The following HDAC9 variants were observed in gnomAD, a reference collection of about 807,000 sequenced individuals.
The protein encoded by HDAC9 is MEF-2 interacting transcription repressor (MITR) protein.
Under a neutral mutation model 139.4 loss-of-function variants are expected in HDAC9, and 41 were observed. The ratio of observed to expected loss-of-function variants is 0.29; its 90% CI spans 0.23 to 0.38. HDAC9 has a LOEUF of 0.38. Ranked by LOEUF, HDAC9 falls within the 10% of genes least tolerant of loss-of-function variation. HDAC9 has a pLI of 1.00. For synonymous variants in HDAC9, 517 were observed against 476.2 expected (o/e 1.09, Z -1.12); for missense variants, 1,147 against 1,297.0 (o/e 0.88, Z 1.78).
At chr7:18,183,167 AC>A (rs1340026129) in intron 2 of HDAC9, among the ~76,000 whole-genome samples, 35 of 151,882 alleles carry the variant, frequency 2.3e-4, no homozygotes, top group Admixed American at 7.2e-4. Flanking sequence ...CTGCCACCAC[AC>A]CCGGCTAATT....
At chr7:18,337,312 A>G (rs1033116833) in intron 1 of HDAC9, among the ~76,000 whole-genome samples, 7 of 151,672 alleles carry the variant, frequency 4.6e-5, no homozygotes, top group Non-Finnish European at 8.9e-5. Flanking sequence ...AATCTCCAAA[A>G]TATGCTTTAG....
At chr7:18,576,656 C>CA (rs61179284) in intron 2 of HDAC9, among the ~76,000 whole-genome samples, 15,154 of 91,736 alleles carry the variant, frequency 0.17, 1,160 homozygotes, top group African/African-American at 0.25. Context: ...GACTTCATGT[C>CA]AAAAAAAAAA....
At chr7:18,392,554 A>G (rs1340982589) in intron 1 of HDAC9, among the ~76,000 whole-genome samples, 1 of 152,048 alleles carries the variant, frequency 6.6e-6, no homozygotes, top group Non-Finnish European at 1.5e-5. Flanking sequence ...ATTAGCTTAA[A>G]TCCTGTTCTC....
In HDAC9 at chr7:18,486,972, G is replaced by GATC. The variant is rs574221881; in HGVS notation, c.-41-9286_-41-9284dup. On this transcript the variant is annotated intron_variant, in intron 1 of 3. Coordinates refer to the HDAC9 transcript ENST00000413509. Reference sequence around the variant, plus strand: ...AACCAACATGTGGCTTTGCCAAGGAGATCATCTTTGGAGAGTGTTTTGGGG... The same window carrying GATC: ...AACCAACATGTGGCTTTGCCAAGGAGATCATCATCTTTGGAGAGTGTTTTGGGG... 1.2e-4 allele frequency among the ~76,000 whole-genome samples: 19 copies of GATC among 152,192 alleles called. No homozygotes were observed. In the South Asian group the frequency reaches 3.9e-3, roughly 32 times the overall value.
intron 2 of HDAC9, among the ~76,000 whole-genome samples, chr7:18,213,995 A>G (rs971866838): frequency 3.3e-5 from 5 of 152,080 alleles, no homozygotes; most frequent in Non-Finnish European, 7.4e-5. Context: ...TTTCCAGGAT[A>G]AGTGATATTA....
At chr7:18,199,213 C>G (rs759515238) in intron 2 of HDAC9, among the ~76,000 whole-genome samples, 7 of 152,072 alleles carry the variant, frequency 4.6e-5, no homozygotes, top group Non-Finnish European at 1.0e-4. Flanking sequence ...AGATACAATT[C>G]TTCTATCTCC....
rs568905146 is a variant in HDAC9 at position 18,637,981 on chromosome 7, T to A, written c.912+3239T>A. ...ATCATTTAGAATTTAGGATGATTTT[T>A]ACAGATGTCTCCTAAGATTGATAGT... On this transcript the variant is annotated intron_variant, in intron 8 of 25. Coordinates refer to ENST00000686413, the MANE Select transcript of HDAC9 (RefSeq NM_178425.4). Among the ~76,000 whole-genome samples the A allele has an allele frequency of 2.0e-5, 3 of 152,234 alleles. No individual in the cohort carries two copies. The East Asian group carries it at 5.8e-4, about 30-fold the overall frequency.
chr7:18,094,688 T>C (rs559961237), intron 1 of HDAC9, among the ~76,000 whole-genome samples: 23 of 152,284 alleles, frequency 1.5e-4, no homozygotes, highest in Non-Finnish European at 2.6e-4. Flanking sequence ...ACTCCTGGCC[T>C]CAAGCTATCC....
chr7:18,299,740 T>G lies in HDAC9; in HGVS notation c.-42+9225T>G, dbSNP rs1258596158. 3.3e-5 allele frequency among the ~76,000 whole-genome samples: 5 copies of G among 152,278 alleles called. No individual in the cohort carries two copies. In the East Asian group the frequency reaches 9.7e-4, roughly 29 times the overall value. On this transcript the variant is annotated intron_variant, in intron 1 of 3. Transcript: ENST00000413509. ...TTCTAACTTGGTTGAAAAGTATGAT[T>G]GGCGGAGGGGTAAAGGAAAATCTCC... is the stretch of plus-strand genomic sequence containing the variant.
intron 12 of HDAC9, among the ~76,000 whole-genome samples, chr7:18,708,474 G>T (rs1201043028): frequency 6.6e-6 from 1 of 152,170 alleles, no homozygotes; most frequent in Non-Finnish European, 1.5e-5. Context: ...TGCAGTTTTT[G>T]CAGAAATAAT....
intron 1 of HDAC9, among the ~76,000 whole-genome samples, chr7:18,141,664 C>T (rs931581195): frequency 2.0e-5 from 3 of 151,974 alleles, no homozygotes; most frequent in South Asian, 2.1e-4. Flanking sequence ...TTCAGAATAG[C>T]GGGGACACGG....
intron 1 of HDAC9, among the ~76,000 whole-genome samples, chr7:18,319,903 T>C (rs2128634198): frequency 6.6e-6 from 1 of 151,988 alleles, no homozygotes; most frequent in African/African-American, 2.4e-5. Context: ...GAAAAGTAAT[T>C]TTCTTTTTCA....
chr7:18,762,006 A>T, intron 14 of HDAC9, 151 bp from the exon 15 acceptor site: 2 of 820,296 alleles, frequency 2.4e-6, no homozygotes, highest in Admixed American at 5.0e-5. Flanking sequence ...TTTTTCAAAT[A>T]TTATTATGGT....
intron 24 of HDAC9, among the ~76,000 whole-genome samples, chr7:18,967,496 G>GACCCCCCC (rs1783941161): frequency 9.5e-6 from 1 of 104,782 alleles, no homozygotes; most frequent in African/African-American, 4.0e-5. Flanking sequence ...AAATAAAGTT[G>GACCCCCCC]CCCCCCCCCC....
rs535481531 is a variant in HDAC9, at chr7:18,549,125, C to T, written c.23-36156C>T. ...TGGTGGTGCGTGCCTGTAGTCCCAG[C>T]TACTCAGGAAGCTGAGGCAGGAGAA... On this transcript the variant is annotated intron_variant, in intron 2 of 25. Transcript: ENST00000686413. Among the ~76,000 whole-genome samples the T allele has an allele frequency of 3.3e-5, 5 of 152,244 alleles. No individual in the cohort carries two copies. The East Asian group carries it at 9.7e-4, about 29-fold the overall frequency.
chr7:18,541,128 T>A (rs1812690439), intron 2 of HDAC9, among the ~76,000 whole-genome samples: 1 of 133,334 alleles, frequency 7.5e-6, no homozygotes, highest in Non-Finnish European at 1.6e-5. Flanking sequence ...GTTTCAAATA[T>A]CCAAGGAACC....
chr7:18,634,817 G>A, intron 8 of HDAC9, 75 bp downstream of exon 8: 1 of 850,822 alleles, frequency 1.2e-6, no homozygotes, highest in Non-Finnish European at 1.9e-6. Flanking sequence ...TGATATTTCT[G>A]AGTTGACCTT....
At chr7:18,983,424 A>G (rs1352852301) in intron 25 of HDAC9, among the ~76,000 whole-genome samples, 1 of 152,190 alleles carries the variant, frequency 6.6e-6, no homozygotes, top group East Asian at 1.9e-4. Flanking sequence ...ATGTGCAAAT[A>G]ACTCTTTAAG....
chr7:18,325,762 A>G (rs1800398206), intron 1 of HDAC9, among the ~76,000 whole-genome samples: 2 of 152,286 alleles, frequency 1.3e-5, no homozygotes, highest in Admixed American at 1.3e-4. Flanking sequence ...ATATATGATT[A>G]TAATATCATG....
Sources: gnomAD v4.1 joint callset for allele counts (sites outside exome capture counted in the v4.1 genomes callset) on GRCh38, gnomAD v4.1.1 for gene constraint, MANE v1.5 for transcripts, NCBI Gene and HGNC (gene_info 2026-07-23, HGNC 2026-07-21) for gene names.